Variants in DOCK6 observed in about 807,000 individuals in gnomAD.
DOCK6 encodes the protein dedicator of cytokinesis 6.
A neutral mutation model predicts 230.3 loss-of-function variants in DOCK6; 167 were observed. The observed-to-expected ratio is 0.73, with a 90% CI of 0.64 to 0.82. DOCK6 has a LOEUF of 0.82. DOCK6 is among the 40% of genes least tolerant of loss of function. The pLI, the probability that DOCK6 is intolerant of heterozygous loss-of-function variation, is 0.00. For synonymous variants in DOCK6, 1,148 were observed against 1,185.0 expected, an observed-to-expected ratio of 0.97 and a Z score of 0.64; for missense variants, 2,598 against 2,825.8, an observed-to-expected ratio of 0.92 and a Z score of 1.83.
chr19:11,221,717 G>C, intron 28 of DOCK6, 134 bp downstream of exon 28: 1 of 1,375,672 alleles, frequency 7.3e-7, no homozygotes, highest in South Asian at 1.3e-5. Flanking sequence ...GTCTGTCCTA[G>C]CACTTTAACC....
Position 11,216,934 on chromosome 19 carries a change from G to A in DOCK6, c.3874C>T (p.Leu1292=). 6.2e-7 allele frequency: 1 copy of A among 1,613,730 alleles called. No individual in the cohort carries two copies. The highest frequency in any genetic ancestry group is 8.5e-7 in the Non-Finnish European group (1 of 1,179,878). ...CAAACCTTGTACTCAAAGGCAGCTA[G>A]GCAAAGGTACAGCAAATCCAACAGA... The part of the protein sequence containing the change: ...GRLLDLLYLC[L]AAFEYKGKKA... The change falls in exon 30 of 48, where the codon CTA becomes TTA. Residue 1292 remains leucine, a synonymous_variant. Coordinates refer to ENST00000294618, the MANE Select transcript of DOCK6 (RefSeq NM_020812.4).
Position 11,222,257 on chromosome 19 carries a change from T to TG in DOCK6, c.3241-10dup. The TG allele has an allele frequency of 6.3e-7, 1 of 1,590,366 alleles. No homozygotes were observed. Among genetic ancestry groups the TG allele is most frequent in the Middle Eastern group, 1.7e-4 (1 of 5,878 alleles). On this transcript the variant is annotated splice_polypyrimidine_tract_variant and intron_variant, in intron 26 of 47. Transcript: ENST00000294618. The surrounding 1 kb of genome is among the most constrained non-coding windows in gnomAD (Gnocchi z 4.0). ...CTGGAGAAGGTGGAGCTCTGCAGAG[T>TG]GGGGGAAAAATGGGGGATGCCAGCG... is the stretch of plus-strand genomic sequence containing the variant.
Position 11,222,664 on chromosome 19 carries a change from A to C in DOCK6, c.3240+71T>G. Reference sequence around the variant, plus strand: ...ACCGTGAAAGGGACAGAGATGAGGGAACCATAGGAGATGGACTGAAGGTGA... The same window carrying C: ...ACCGTGAAAGGGACAGAGATGAGGGCACCATAGGAGATGGACTGAAGGTGA... On this transcript the variant is annotated intron_variant, in intron 26 of 47. Transcript: ENST00000294618. This position sits in a 1 kb window ranked among gnomAD's most constrained non-coding sequence, Gnocchi z 4.0. 2 of 1,449,298 alleles carry C rather than the reference A, an allele frequency of 1.4e-6. No homozygotes were observed. The highest frequency in any genetic ancestry group is 4.3e-5 in the Admixed American group (2 of 46,624). The allele number at this position is 1,449,298 out of a possible 1,614,324, so 89.8% of individuals were successfully genotyped here. A position where few individuals can be genotyped will look rare whatever the true frequency, so the allele number is the denominator to read the frequency against.
chr19:11,234,283 C>A (rs1422694073), intron 21 of DOCK6, among the ~76,000 whole-genome samples: 3 of 151,942 alleles, frequency 2.0e-5, no homozygotes, highest in African/African-American at 7.3e-5. Flanking sequence ...CAGGCGTGAG[C>A]CACTGTGCCT....
Position 11,235,755 on chromosome 19 carries a change from G to C in DOCK6, c.2397C>G (p.Asn799Lys). Residue 799 changes from asparagine (N) to lysine (K), a missense_variant, in exon 21 of 48, where the codon AAC becomes AAG. Transcript: ENST00000294618. The part of the protein sequence containing the change: ...RPPIISGQIV[N>K]LGRGAFEAMA... ...TTGCTTCAAAGGCTCCACGGCCCAG[G>C]TTCACTGCAGGGCAGAGCAGAGGTC... 6.3e-7 allele frequency: 1 copy of C among 1,588,702 alleles called. No homozygotes were observed. Among genetic ancestry groups the C allele is most frequent in the Non-Finnish European group, 8.6e-7 (1 of 1,166,478 alleles).
chr19:11,221,951 G>T lies in DOCK6; in HGVS notation c.3450C>A (p.Pro1150=), dbSNP rs2079586100. ...HSLLCGHDTD[P]RYAEATVKAR... ...CCTTCACAGTGGCCTCGGCGTAGCG[G>T]GGGTCAGTGTCATGGCCACATAGCA... Residue 1150 remains proline (P), a synonymous_variant, in exon 28 of 48, where the codon CCC becomes CCA. Transcript: ENST00000294618. The T allele has an allele frequency of 6.2e-7, 1 of 1,613,762 alleles. No individual in the cohort carries two copies. Among genetic ancestry groups the T allele is most frequent in the African/African-American group, 1.3e-5 (1 of 74,950 alleles).
chr19:11,237,563 G>C lies in DOCK6; in HGVS notation c.1972-6C>G. On this transcript the variant is annotated splice_polypyrimidine_tract_variant and splice_region_variant and intron_variant, in intron 17 of 47. Coordinates refer to ENST00000294618, the MANE Select transcript of DOCK6 (RefSeq NM_020812.4). ...TGCTGCAGCAGTGGGATCCACTGGG[G>C]AGAGGCTGGAGGTCAGGTCTGCGGC... 6.2e-7 allele frequency: 1 copy of C among 1,608,076 alleles called. No individual in the cohort carries two copies. The highest frequency in any genetic ancestry group is 1.8e-4 in the Middle Eastern group (1 of 5,550).
At chr19:11,216,079 C>CAAAAAAAAA in intron 30 of DOCK6, 152 bp from the exon 31 acceptor site, 1 of 951,260 alleles carries the variant, frequency 1.1e-6, no homozygotes, top group South Asian at 2.1e-5. Flanking sequence ...TTAGCACTTA[C>CAAAAAAAAA]CAAAAAAAAA....
intron 24 of DOCK6, among the ~76,000 whole-genome samples, chr19:11,224,686 C>T (rs1454696654): frequency 1.3e-5 from 2 of 152,164 alleles, no homozygotes; most frequent in East Asian, 3.9e-4. Context: ...TGATGTGGCC[C>T]TGAGGCCCAG....
At position 11,209,120 on chromosome 19, in the gene DOCK6, G is replaced by C; in HGVS notation, c.4752-17C>G. 1 of 1,607,354 alleles carries C rather than the reference G, an allele frequency of 6.2e-7. No individual in the cohort carries two copies. The highest frequency in any genetic ancestry group is 8.5e-7 in the Non-Finnish European group (1 of 1,177,606). ...CGGGCAATTCTGGAGTCCAGGTGAGGGGGGATGTGAGGAGGGGACTCACCT... is the reference window on the plus strand; with the variant it reads ...CGGGCAATTCTGGAGTCCAGGTGAGCGGGGATGTGAGGAGGGGACTCACCT... On this transcript the variant is annotated splice_polypyrimidine_tract_variant and intron_variant, in intron 37 of 47. Coordinates refer to ENST00000294618, the MANE Select transcript of DOCK6 (RefSeq NM_020812.4).
chr19:11,229,512 TAGAG>T (rs2079729257), intron 22 of DOCK6: 1 of 335,696 alleles, frequency 3.0e-6, no homozygotes, highest in South Asian at 1.2e-4. Context: ...AGTGTGAATA[TAGAG>T]AGAGAAATGC....
intron 39 of DOCK6, among the ~76,000 whole-genome samples, chr19:11,206,638 C>T (rs1295330019): frequency 6.6e-6 from 1 of 151,858 alleles, no homozygotes; most frequent in Non-Finnish European, 1.5e-5. Flanking sequence ...TTAATGGATC[C>T]TGATTCAAAC....
intron 24 of DOCK6, among the ~76,000 whole-genome samples, chr19:11,226,337 A>C (rs1420326843): frequency 6.6e-6 from 1 of 152,034 alleles, no homozygotes; most frequent in Non-Finnish European, 1.5e-5. Context: ...AATAATACTA[A>C]CTTCATGGGT....
At position 11,252,814 on chromosome 19, in the gene DOCK6, G is replaced by T; in HGVS notation, c.277C>A (p.Arg93=). Residue 93 remains arginine, a synonymous_variant, in exon 3 of 48, where the codon CGG becomes AGG. Transcript: ENST00000294618. ...TTGGGGATCCCGGGCTCCGTGGTCC[G>T]GCATTCCCGGGGCTGCAGCAGCAGC... ...LELLLQPREC[R]TTEPGIPKDE... 3 of 1,612,976 alleles carry T rather than the reference G, an allele frequency of 1.9e-6. No homozygotes were observed. The highest frequency in any genetic ancestry group is 2.5e-6 in the Non-Finnish European group (3 of 1,179,430).
chr19:11,250,016 CTT>C (rs898651661), intron 6 of DOCK6, among the ~76,000 whole-genome samples: 2 of 140,566 alleles, frequency 1.4e-5, no homozygotes, highest in Non-Finnish European at 1.5e-5. Context: ...CAGAAGCTAT[CTT>C]TTTTTTTTTT....
intron 1 of DOCK6, among the ~76,000 whole-genome samples, chr19:11,259,434 G>GTT (rs771179365): frequency 1.4e-5 from 2 of 147,326 alleles, no homozygotes; most frequent in Non-Finnish European, 3.0e-5. Context: ...TCAAGGATGG[G>GTT]GGAGAGAGAG....
intron 29 of DOCK6, 51 bp downstream of exon 29, chr19:11,217,165 ATCTTGATACATGACT>A: frequency 3.1e-6 from 5 of 1,598,092 alleles, no homozygotes; most frequent in Non-Finnish European, 4.3e-6. Flanking sequence ...GCCAATCTGT[ATCTTGATACATGACT>A]TCTCTCATTC....
Position 11,215,798 on chromosome 19 carries a change from T to TA in DOCK6, c.4021+2dup. The TA allele has an allele frequency of 6.2e-7, 1 of 1,613,998 alleles. No individual in the cohort carries two copies. The highest frequency in any genetic ancestry group is 8.5e-7 in the Non-Finnish European group (1 of 1,179,876). On this transcript the variant is annotated splice_region_variant and intron_variant, in intron 31 of 47. Transcript: ENST00000294618. Reference sequence around the variant, plus strand: ...GGGACACGTGGGTATGTCACCCTCTTACCACGACTTCGCCGAACCATTTCT... The same window carrying TA: ...GGGACACGTGGGTATGTCACCCTCTTAACCACGACTTCGCCGAACCATTTCT...
chr19:11,240,371 C>G, intron 14 of DOCK6: 1 of 1,405,938 alleles, frequency 7.1e-7, no homozygotes, highest in Non-Finnish European at 9.4e-7. Flanking sequence ...CCTTGAGTCC[C>G]AAAGACCTCC....
Sources: gnomAD v4.1 joint callset for allele counts (sites outside exome capture counted in the v4.1 genomes callset) on GRCh38, gnomAD v4.1.1 for gene constraint, Gnocchi (gnomAD v3.1) non-coding constraint, MANE v1.5 for transcripts, NCBI Gene and HGNC (gene_info 2026-07-23, HGNC 2026-07-21) for gene names.